Variants in CEP128 observed in about 807,000 individuals in gnomAD.
CEP128 encodes the protein centrosomal protein 128, also known as centrosomal protein 128kDa.
A neutral mutation model predicts 156.7 loss-of-function variants in CEP128; 132 were observed. The ratio of observed to expected loss-of-function variants is 0.84; its 90% CI spans 0.73 to 0.97. CEP128 has a LOEUF of 0.97. CEP128 is among the 50% of genes least tolerant of loss of function. The pLI, the probability that CEP128 is intolerant of heterozygous loss-of-function variation, is 0.00. For synonymous variants in CEP128, 469 were observed against 448.9 expected, an observed-to-expected ratio of 1.04 and a Z score of -0.57; for missense variants, 1,252 against 1,281.9, an observed-to-expected ratio of 0.98 and a Z score of 0.36.
intron 4 of CEP128, among the ~76,000 whole-genome samples, chr14:80,908,177 T>C (rs1019153163): frequency 2.0e-5 from 3 of 152,192 alleles, no homozygotes; most frequent in African/African-American, 7.2e-5. Context: ...TTTGTATTTA[T>C]CCCATTTCCG....
chr14:80,693,771 C>T (rs147292296), intron 19 of CEP128, among the ~76,000 whole-genome samples: 3 of 152,206 alleles, frequency 2.0e-5, no homozygotes, highest in African/African-American at 7.2e-5. Context: ...TTAATAATGA[C>T]GTTGTCTCTT....
At chr14:80,916,862 T>C (rs1884593976) in intron 2 of CEP128, among the ~76,000 whole-genome samples, 1 of 152,216 alleles carries the variant, frequency 6.6e-6, no homozygotes, top group Admixed American at 6.5e-5. Flanking sequence ...AAAAGTATTG[T>C]CACATTTAGT....
intron 14 of CEP128, chr14:80,478,503 G>A (rs184491540): frequency 6.6e-5 from 10 of 152,176 alleles, no homozygotes; most frequent in Admixed American, 1.3e-4. Context: ...CAAAACATAC[G>A]GATTCTGAAG....
chr14:80,765,236 G>C (rs1405642142), intron 16 of CEP128, among the ~76,000 whole-genome samples: 1 of 152,136 alleles, frequency 6.6e-6, no homozygotes, highest in Non-Finnish European at 1.5e-5. Context: ...ATATTTATTT[G>C]AACACTAATT....
At chr14:80,922,399 A>C (rs1884915861) in intron 2 of CEP128, among the ~76,000 whole-genome samples, 1 of 152,224 alleles carries the variant, frequency 6.6e-6, no homozygotes, top group Non-Finnish European at 1.5e-5. Context: ...TATGAACTGA[A>C]AGAAAATTTA....
chr14:80,838,479 C>G (rs11845100), intron 10 of CEP128, among the ~76,000 whole-genome samples: 9,357 of 152,046 alleles, frequency 0.062, 971 homozygotes, highest in African/African-American at 0.21. Flanking sequence ...TAAAGTGAAC[C>G]AGACCAGGCC....
chr14:80,500,148 C>A (rs957530843), intron 24 of CEP128, among the ~76,000 whole-genome samples: 2 of 152,204 alleles, frequency 1.3e-5, no homozygotes, highest in African/African-American at 4.8e-5. Context: ...AACAAACTTT[C>A]ATTAATGCTG....
intron 19 of CEP128, among the ~76,000 whole-genome samples, chr14:80,641,819 G>A (rs1017164721): frequency 1.3e-5 from 2 of 152,054 alleles, no homozygotes; most frequent in African/African-American, 4.8e-5. Flanking sequence ...ATATGTTAGG[G>A]ACAGACAAAA....
chr14:80,569,826 G>A (rs550045383), intron 20 of CEP128, among the ~76,000 whole-genome samples: 1 of 152,112 alleles, frequency 6.6e-6, no homozygotes, highest in African/African-American at 2.4e-5. Context: ...AAATACTCTA[G>A]ACAGGTTGGT....
chr14:80,935,773 TA>T (rs1248892394), intron 2 of CEP128, among the ~76,000 whole-genome samples: 1 of 149,264 alleles, frequency 6.7e-6, no homozygotes, highest in African/African-American at 2.5e-5. Context: ...GAAGCCAAAA[TA>T]AGCAATAATA....
At chr14:80,848,676 G>A (rs1480708935) in intron 9 of CEP128, among the ~76,000 whole-genome samples, 3 of 148,318 alleles carry the variant, frequency 2.0e-5, no homozygotes, top group African/African-American at 7.5e-5. Context: ...AAAAAAAAAA[G>A]AAAAAGAGAA....
intron 19 of CEP128, among the ~76,000 whole-genome samples, chr14:80,682,322 C>A (rs1480575937): frequency 1.3e-5 from 2 of 151,986 alleles, no homozygotes; most frequent in Non-Finnish European, 2.9e-5. Flanking sequence ...ATCAATAAAC[C>A]AGCTGAAGCA....
chr14:80,599,608 A>G (rs960591781), intron 19 of CEP128, among the ~76,000 whole-genome samples: 2 of 151,974 alleles, frequency 1.3e-5, no homozygotes, highest in Admixed American at 6.6e-5. Flanking sequence ...TACTGCAGTT[A>G]TCCATATTTC....
chr14:80,856,720 C>CT (rs766724436), intron 9 of CEP128, among the ~76,000 whole-genome samples: 4,801 of 65,234 alleles, frequency 0.074, 718 homozygotes, highest in Non-Finnish European at 0.089. Flanking sequence ...TTTTTCTTTT[C>CT]TTTTTTTTTT....
At chr14:80,839,781 A>G (rs1264660637) in intron 10 of CEP128, among the ~76,000 whole-genome samples, 1 of 152,160 alleles carries the variant, frequency 6.6e-6, no homozygotes, top group Admixed American at 6.6e-5. Context: ...AACAAATGTC[A>G]TATTAAAAAA....
rs900939055 is a variant in CEP128 at position 80,689,115 on chromosome 14, C to T, written c.2806+53960G>A. On this transcript the variant is annotated intron_variant, in intron 19 of 24. Coordinates refer to ENST00000555265, the MANE Select transcript of CEP128 (RefSeq NM_152446.5). ...CAGTGGCACCCAGCACTTTGAGAGG[C>T]CGAGGTGGGTGGATCACTTGAGATC... is the stretch of plus-strand genomic sequence containing the variant. 1.8e-4 allele frequency among the ~76,000 whole-genome samples: 27 copies of T among 151,754 alleles called. 1 individual carries two copies. Among genetic ancestry groups the T allele is most frequent in the African/African-American group, 6.1e-4 (25 of 41,318 alleles).
At chr14:80,914,928 A>T in intron 3 of CEP128, among the ~76,000 whole-genome samples, 1 of 152,220 alleles carries the variant, frequency 6.6e-6, no homozygotes, top group Non-Finnish European at 1.5e-5. Context: ...GAGATTAATC[A>T]AGGTATTTCT....
intron 20 of CEP128, among the ~76,000 whole-genome samples, chr14:80,572,426 CT>C (rs1302835136): frequency 1.4e-4 from 21 of 152,268 alleles, no homozygotes; most frequent in Non-Finnish European, 1.5e-5. Flanking sequence ...CAGAATATTG[CT>C]TTTCACAATT....
Position 80,581,212 on chromosome 14 carries a change from G to A in CEP128, c.2807-789C>T, listed in dbSNP as rs543878140. Among the ~76,000 whole-genome samples, 14 of 152,214 alleles carry A rather than the reference G, an allele frequency of 9.2e-5. No homozygotes were observed. In the South Asian group the frequency reaches 1.0e-3, roughly 11 times the overall value. On this transcript the variant is annotated intron_variant, in intron 19 of 24. Coordinates refer to ENST00000555265, the MANE Select transcript of CEP128 (RefSeq NM_152446.5). ...TTATTATATCTCACAAACCTAAAGA[G>A]GACTAGGCTGAGTCAGAACTTGGAT...
Sources: gnomAD v4.1 joint callset for allele counts (sites outside exome capture counted in the v4.1 genomes callset) on GRCh38, gnomAD v4.1.1 for gene constraint, MANE v1.5 for transcripts, NCBI Gene and HGNC (gene_info 2026-07-23, HGNC 2026-07-21) for gene names.